Variants in PBX3 observed in about 807,000 individuals in gnomAD.
PBX3 encodes pre-B-cell leukemia transcription factor 3.
Under a neutral mutation model 48.5 loss-of-function variants are expected in PBX3, and 14 were observed. The observed-to-expected ratio is 0.29, with a 90% CI of 0.19 to 0.45. PBX3 has a LOEUF of 0.45. Among genes scored for constraint, PBX3 ranks in the 20% least tolerant of loss-of-function variants. The probability of loss-of-function intolerance (pLI) is 1.00; values close to 1 mark genes in which losing one functional copy is unlikely to be tolerated. For synonymous variants in PBX3, 210 were observed against 200.3 expected (o/e 1.05, Z -0.41); for missense variants, 386 against 546.7 (o/e 0.71, Z 2.93).
chr9:125,854,353 T>G (rs1839664929), intron 2 of PBX3, among the ~76,000 whole-genome samples: 1 of 152,042 alleles, frequency 6.6e-6, no homozygotes, highest in Non-Finnish European at 1.5e-5. Context: ...CAGGCTGGTC[T>G]TGAACTCCTG....
intron 3 of PBX3, among the ~76,000 whole-genome samples, chr9:125,919,323 C>T (rs1170227757): frequency 6.6e-6 from 1 of 150,526 alleles, no homozygotes. Flanking sequence ...AAGCAATTCT[C>T]CTGGGATTAC....
At chr9:125,838,781 C>T (rs945513157) in intron 2 of PBX3, among the ~76,000 whole-genome samples, 3 of 152,148 alleles carry the variant, frequency 2.0e-5, no homozygotes, top group African/African-American at 4.8e-5. Flanking sequence ...GGCCAGGAGT[C>T]GTGGCTGGTA....
chr9:125,863,313 C>T (rs899093406), intron 2 of PBX3, among the ~76,000 whole-genome samples: 1 of 151,892 alleles, frequency 6.6e-6, no homozygotes, highest in Admixed American at 6.6e-5. Flanking sequence ...AAGCGATTCT[C>T]CTGCTTCAGC....
At chr9:125,841,933 G>C (rs1230692727) in intron 2 of PBX3, among the ~76,000 whole-genome samples, 2 of 152,002 alleles carry the variant, frequency 1.3e-5, no homozygotes, top group Non-Finnish European at 2.9e-5. Context: ...TTATTGTACT[G>C]TTAACAAAAA....
At chr9:125,781,680 GT>G (rs1400170843) in intron 2 of PBX3, among the ~76,000 whole-genome samples, 1 of 152,052 alleles carries the variant, frequency 6.6e-6, no homozygotes, top group Non-Finnish European at 1.5e-5. Context: ...TTGTTTTTCT[GT>G]TCTGTGTTTT....
intron 2 of PBX3, among the ~76,000 whole-genome samples, chr9:125,858,981 C>G (rs1430345186): frequency 1.3e-5 from 2 of 152,080 alleles, no homozygotes; most frequent in Non-Finnish European, 2.9e-5. Flanking sequence ...AAATGAATAG[C>G]TAGAGATAGT....
chr9:125,858,432 A>G (rs969993655), intron 2 of PBX3, among the ~76,000 whole-genome samples: 2 of 152,230 alleles, frequency 1.3e-5, no homozygotes, highest in African/African-American at 4.8e-5. Flanking sequence ...AATGGCAGCC[A>G]TATGTAAAAG....
At chr9:125,901,959 C>T (rs1263525957) in intron 2 of PBX3, among the ~76,000 whole-genome samples, 1 of 151,652 alleles carries the variant, frequency 6.6e-6, no homozygotes, top group Admixed American at 6.6e-5. Context: ...CTTTTCTTTG[C>T]CTTTCTTTAA....
chr9:125,905,969 C>G (rs16928489), intron 2 of PBX3, among the ~76,000 whole-genome samples: 4 of 151,834 alleles, frequency 2.6e-5, no homozygotes, highest in Non-Finnish European at 5.9e-5. Flanking sequence ...GATATACTAC[C>G]ATGAGAAGCA....
intron 2 of PBX3, among the ~76,000 whole-genome samples, chr9:125,818,992 A>T (rs1307351455): frequency 6.6e-6 from 1 of 150,914 alleles, no homozygotes; most frequent in Non-Finnish European, 1.5e-5. Flanking sequence ...TGCACCACCA[A>T]ATCTGGCTAA....
intron 2 of PBX3, among the ~76,000 whole-genome samples, chr9:125,867,979 T>C (rs1467020058): frequency 6.6e-6 from 1 of 152,118 alleles, no homozygotes; most frequent in Non-Finnish European, 1.5e-5. Flanking sequence ...GGTCTCAAGC[T>C]AGCCTCCCAC....
At chr9:125,924,496 A>G (rs926719561) in intron 3 of PBX3, among the ~76,000 whole-genome samples, 1 of 152,220 alleles carries the variant, frequency 6.6e-6, no homozygotes, top group Non-Finnish European at 1.5e-5. Context: ...TTGTAAAGGT[A>G]TGTTGCAATG....
intron 2 of PBX3, among the ~76,000 whole-genome samples, chr9:125,795,131 G>A (rs149208146): frequency 6.8e-4 from 104 of 152,222 alleles, no homozygotes; most frequent in African/African-American, 2.4e-3. Context: ...TCTGTTCTTT[G>A]CGTCCATGCT....
intron 2 of PBX3, among the ~76,000 whole-genome samples, chr9:125,815,822 G>A (rs903097459): frequency 5.3e-5 from 8 of 152,076 alleles, no homozygotes; most frequent in African/African-American, 1.9e-4. Flanking sequence ...TGGAGCCTCT[G>A]TCAGTCTTTG....
At chr9:125,956,966 G>C (rs1007009528) in intron 5 of PBX3, among the ~76,000 whole-genome samples, 1 of 152,158 alleles carries the variant, frequency 6.6e-6, no homozygotes, top group Non-Finnish European at 1.5e-5. Context: ...GCTTCCTACT[G>C]GGTGAGCTTA....
intron 2 of PBX3, among the ~76,000 whole-genome samples, chr9:125,914,944 C>T (rs921038351): frequency 6.6e-6 from 1 of 152,216 alleles, no homozygotes; most frequent in African/African-American, 2.4e-5. Flanking sequence ...CTGGGCATCA[C>T]TTAGGAAGTT....
chr9:125,794,703 T>TG (rs2132075797), intron 2 of PBX3, among the ~76,000 whole-genome samples: 1 of 151,348 alleles, frequency 6.6e-6, no homozygotes, highest in African/African-American at 2.4e-5. Flanking sequence ...CATGGCTGTT[T>TG]TTTTTTTTTT....
intron 2 of PBX3, among the ~76,000 whole-genome samples, chr9:125,754,629 C>G (rs1051968702): frequency 2.6e-5 from 4 of 152,152 alleles, no homozygotes; most frequent in African/African-American, 9.6e-5. Context: ...ATCTTCAACA[C>G]TTGATTCTAA....
At chr9:125,764,682 G>A (rs976120588) in intron 2 of PBX3, among the ~76,000 whole-genome samples, 6 of 152,130 alleles carry the variant, frequency 3.9e-5, no homozygotes, top group African/African-American at 1.4e-4. Flanking sequence ...TTTAAGATCC[G>A]AAATGGTTCT....
Sources: allele counts gnomAD v4.1 joint callset (sites outside exome capture counted in the v4.1 genomes callset), GRCh38; gene constraint gnomAD v4.1.1; transcripts MANE v1.5; gene names NCBI Gene and HGNC (gene_info 2026-07-23, HGNC 2026-07-21).